Variants in ATP1B1 observed in about 807,000 individuals in gnomAD.
The protein encoded by ATP1B1 is ATPase Na+/K+ transporting subunit beta 1.
ATP1B1 carries 3 observed loss-of-function variants against 39.6 expected under a neutral mutation model. The ratio of observed to expected loss-of-function variants is 0.08; its 90% confidence interval spans 0.03 to 0.20. The LOEUF (loss-of-function observed/expected upper bound fraction) is 0.20, where lower values mean the gene tolerates loss of function less well. Among genes scored for constraint, ATP1B1 ranks in the 10% least tolerant of loss-of-function variants. The pLI, the probability that ATP1B1 is intolerant of heterozygous loss-of-function variation, is 1.00. For missense variants in ATP1B1, 216 were observed against 371.1 expected, an observed-to-expected ratio of 0.58 and a Z score of 3.43; for synonymous variants, 139 against 135.0, an observed-to-expected ratio of 1.03 and a Z score of -0.20.
Position 169,111,404 on chromosome 1 carries a change from C to A in ATP1B1, c.132C>A (p.Gly44=), listed in dbSNP as rs771155986. 2 of 1,614,220 alleles carry A rather than the reference C, an allele frequency of 1.2e-6. No homozygotes were observed. The highest frequency in any genetic ancestry group is 1.7e-6 in the Non-Finnish European group (2 of 1,180,036). Residue 44 remains glycine, a synonymous_variant, in exon 2 of 6, where the codon GGC becomes GGA. Transcript: ENST00000367815. ...TTCTATTCTACGTAATATTTTATGG[C>A]TGCCTGGCTGGCATCTTCATCGGAA... ...KILLFYVIFY[G]CLAGIFIGTI... is the part of the protein sequence containing the mutation.
At position 169,106,938 on chromosome 1, in the gene ATP1B1, G is replaced by A; in HGVS notation, c.97+12G>A. 1 of 1,570,810 alleles carries A rather than the reference G, an allele frequency of 6.4e-7. No homozygotes were observed. Among genetic ancestry groups the A allele is most frequent in the Non-Finnish European group, 8.6e-7 (1 of 1,160,730 alleles). On this transcript the variant is annotated intron_variant, in intron 1 of 5. Coordinates refer to ENST00000367815, the MANE Select transcript of ATP1B1 (RefSeq NM_001677.4). ...CGGTGGCAGTTGGTGTAAGTACGGG[G>A]TCCGCAGCTCCCGGCCGCCGCGTCT...
intron 1 of ATP1B1, among the ~76,000 whole-genome samples, chr1:169,107,329 G>A (rs1657617480): frequency 6.6e-6 from 1 of 152,162 alleles, no homozygotes; most frequent in Non-Finnish European, 1.5e-5. Flanking sequence ...AACCTCGTGA[G>A]GTGATGGGAT....
chr1:169,123,597 A>G (rs1422489333), intron 2 of ATP1B1, among the ~76,000 whole-genome samples: 1 of 148,178 alleles, frequency 6.7e-6, no homozygotes, highest in African/African-American at 2.5e-5. Flanking sequence ...ATATATATAT[A>G]TATTTATATA....
At chr1:169,119,260 A>G (rs113577600) in intron 2 of ATP1B1, among the ~76,000 whole-genome samples, 174 of 152,218 alleles carry the variant, frequency 1.1e-3, no homozygotes, top group African/African-American at 4.0e-3. Flanking sequence ...TACCCAGATT[A>G]TGATTTCTGC....
chr1:169,120,950 C>CTTTTTTT (rs5778600), intron 2 of ATP1B1, among the ~76,000 whole-genome samples: 2 of 134,860 alleles, frequency 1.5e-5, no homozygotes, highest in Non-Finnish European at 3.1e-5. Flanking sequence ...CTTTTCTTTT[C>CTTTTTTT]TTTTTTTTTT....
intron 5 of ATP1B1, among the ~76,000 whole-genome samples, chr1:169,130,812 A>T (rs1474475004): frequency 1.3e-5 from 2 of 150,978 alleles, no homozygotes; most frequent in African/African-American, 4.9e-5. Context: ...AAAAAATTGA[A>T]AGACTAAGGT....
chr1:169,110,566 T>A, intron 1 of ATP1B1: 1 of 811,966 alleles, frequency 1.2e-6, no homozygotes. Context: ...ATGTGTTGAG[T>A]CTTTTTTTTT....
intron 4 of ATP1B1, among the ~76,000 whole-genome samples, chr1:169,127,684 G>A (rs1658116853): frequency 6.6e-6 from 1 of 151,750 alleles, no homozygotes; most frequent in South Asian, 2.1e-4. Context: ...TCAGTATCCA[G>A]ATAACAGTTT....
intron 1 of ATP1B1, chr1:169,110,589 T>TTGG: frequency 1.1e-6 from 1 of 894,728 alleles, no homozygotes; most frequent in Non-Finnish European, 1.5e-6. Context: ...TTTTTTTTGC[T>TTGG]TTTGCAGCTA....
chr1:169,107,452 C>T (rs1264182639), intron 1 of ATP1B1, among the ~76,000 whole-genome samples: 3 of 152,186 alleles, frequency 2.0e-5, no homozygotes, highest in Admixed American at 1.3e-4. Flanking sequence ...TAGTATTTCA[C>T]AGCGATGGCT....
chr1:169,125,803 A>G (rs1388454808), intron 3 of ATP1B1, among the ~76,000 whole-genome samples: 2 of 152,020 alleles, frequency 1.3e-5, no homozygotes, highest in African/African-American at 2.4e-5. Context: ...GTGAGACCCC[A>G]TCTCTACAAA....
Position 169,132,635 on chromosome 1 carries a change from AT to A in ATP1B1, c.*1081del. 1 of 650,402 alleles carries A rather than the reference AT, an allele frequency of 1.5e-6. No individual in the cohort carries two copies. The highest frequency in any genetic ancestry group is 3.0e-5 in the Admixed American group (1 of 32,888). 40.3% of individuals were successfully genotyped at this position (650,402 alleles called of 1,614,324 possible). A position where few individuals can be genotyped will look rare whatever the true frequency, so the allele number is the denominator to read the frequency against. ...CAGTGCAAAATCCATGTTCTAACAT[AT>A]GTAATAATTGCCAGGAGTACAGTGC... On this transcript the variant is annotated 3_prime_UTR_variant, in exon 6 of 6. Coordinates refer to ENST00000367815, the MANE Select transcript of ATP1B1 (RefSeq NM_001677.4).
chr1:169,124,855 A>C (rs772333448), intron 2 of ATP1B1, 29 bp from the exon 3 acceptor site: 2 of 1,603,776 alleles, frequency 1.2e-6, no homozygotes, highest in East Asian at 4.5e-5. Context: ...CTGCCTTCCT[A>C]CTAATGTTTT....
chr1:169,106,935 G>C lies in ATP1B1; in HGVS notation c.97+9G>C. 1.3e-6 allele frequency: 2 copies of C among 1,571,860 alleles called. No individual in the cohort carries two copies. The highest frequency in any genetic ancestry group is 2.3e-5 in the South Asian group (2 of 86,636). ...GACCGGTGGCAGTTGGTGTAAGTAC[G>C]GGGTCCGCAGCTCCCGGCCGCCGCG... On this transcript the variant is annotated intron_variant, in intron 1 of 5. Coordinates refer to ENST00000367815, the MANE Select transcript of ATP1B1 (RefSeq NM_001677.4).
At chr1:169,123,960 T>C (rs1405141311) in intron 2 of ATP1B1, among the ~76,000 whole-genome samples, 1 of 152,206 alleles carries the variant, frequency 6.6e-6, no homozygotes, top group East Asian at 1.9e-4. Flanking sequence ...TGTAAGTGTG[T>C]CCCACATAGC....
Position 169,131,669 on chromosome 1 carries a change from A to G in ATP1B1, c.*114A>G, listed in dbSNP as rs1461056506. On this transcript the variant is annotated 3_prime_UTR_variant, in exon 6 of 6. Transcript: ENST00000367815. This position sits in a 1 kb window ranked among gnomAD's most constrained non-coding sequence, Gnocchi z 4.4. The stretch of plus-strand genomic sequence containing the variant: ...TACGTATGGGACCTACACTTAATCT[A>G]TATGCTTTACACTAGCTTTCTGCAT... The G allele has an allele frequency of 5.7e-6, 7 of 1,221,810 alleles. No individual in the cohort carries two copies. Among genetic ancestry groups the G allele is most frequent in the Non-Finnish European group, 7.9e-6 (7 of 887,516 alleles). The allele number at this position is 1,221,810 out of a possible 1,614,324, so 75.7% of individuals were successfully genotyped here. A position where few individuals can be genotyped will look rare whatever the true frequency, so the allele number is the denominator to read the frequency against.
intron 2 of ATP1B1, among the ~76,000 whole-genome samples, chr1:169,112,969 T>A (rs913866703): frequency 6.6e-6 from 1 of 152,214 alleles, no homozygotes; most frequent in Non-Finnish European, 1.5e-5. Flanking sequence ...TAGAACTTTG[T>A]GGTACCATTA....
At chr1:169,126,335 ACATAAAT>A (rs978572793) in intron 3 of ATP1B1, among the ~76,000 whole-genome samples, 21 of 110,442 alleles carry the variant, frequency 1.9e-4, no homozygotes, top group African/African-American at 5.7e-4. Flanking sequence ...TAAAAACTAT[ACATAAAT>A]TATGGTTTGC....
chr1:169,130,066 C>G lies in ATP1B1; in HGVS notation c.624C>G (p.Val208=). Residue 208 remains valine (V), a synonymous_variant, in exon 5 of 6, where the codon GTC becomes GTG. Transcript: ENST00000367815. ...CAGTGATGAAGTATAACCCAAATGT[C>G]CTTCCCGTTCAGTGCACTGGCAAGG... ...TYPVMKYNPN[V]LPVQCTGKRD... is the part of the protein sequence containing the mutation. 1 of 1,613,904 alleles carries G rather than the reference C, an allele frequency of 6.2e-7. No homozygotes were observed. Among genetic ancestry groups the G allele is most frequent in the Non-Finnish European group, 8.5e-7 (1 of 1,179,922 alleles).
Sources: gnomAD v4.1 joint callset for allele counts (sites outside exome capture counted in the v4.1 genomes callset) on GRCh38, gnomAD v4.1.1 for gene constraint, Gnocchi (gnomAD v3.1) non-coding constraint, MANE v1.5 for transcripts, NCBI Gene and HGNC (gene_info 2026-07-23, HGNC 2026-07-21) for gene names.